SH3KBP1: variants seen among roughly 807,000 people sequenced by gnomAD.
SH3KBP1 encodes the protein SH3 domain-containing kinase-binding protein 1.
In SH3KBP1, 8 loss-of-function variants were observed where a neutral mutation model predicts 50.1. The ratio of observed to expected loss-of-function variants is 0.16; its 90% CI spans 0.09 to 0.29. The LOEUF (loss-of-function observed/expected upper bound fraction) is 0.29. Among genes scored for constraint, SH3KBP1 ranks in the 10% least tolerant of loss-of-function variants. The pLI is 1.00. For synonymous variants in SH3KBP1, 227 were observed against 218.6 expected (o/e 1.04, Z -0.34); for missense variants, 377 against 535.2 (o/e 0.70, Z 2.92).
At chrX:19,883,518 A>C (rs2069501634) in intron 1 of SH3KBP1, among the ~76,000 whole-genome samples, 1 of 111,378 alleles carries the variant, frequency 9.0e-6, no homozygotes, top group Non-Finnish European at 1.9e-5. Context: ...TTCCTCCCCC[A>C]CTGCCTCCGA....
At chrX:19,777,750 A>G (rs1433461651) in intron 2 of SH3KBP1, among the ~76,000 whole-genome samples, 2 of 111,422 alleles carry the variant, frequency 1.8e-5, no homozygotes, top group Admixed American at 9.5e-5. Context: ...GGGGTGGGCC[A>G]GAGCAGTAGT....
chrX:19,536,577 G>C (rs146800707), intron 17 of SH3KBP1, 119 bp from the exon 18 acceptor site: 1 of 442,019 alleles, frequency 2.3e-6, no homozygotes, highest in African/African-American at 2.5e-5. Context: ...AATTTTAAAG[G>C]TGACATGACA....
intron 2 of SH3KBP1, among the ~76,000 whole-genome samples, chrX:19,794,077 G>A (rs2066627955): frequency 9.1e-6 from 1 of 110,374 alleles, no homozygotes; most frequent in Admixed American, 9.7e-5. Flanking sequence ...CCCCAGGCAA[G>A]TAGAGGAAAT....
At chrX:19,716,748 T>C (rs2063920965) in intron 3 of SH3KBP1, among the ~76,000 whole-genome samples, 2 of 110,655 alleles carry the variant, frequency 1.8e-5, no homozygotes, top group Admixed American at 1.9e-4. Context: ...CTCTAGGAGG[T>C]TCAGCATGCT....
intron 2 of SH3KBP1, among the ~76,000 whole-genome samples, chrX:19,828,130 T>C (rs2067745463): frequency 9.0e-6 from 1 of 111,500 alleles, no homozygotes; most frequent in Non-Finnish European, 1.9e-5. Flanking sequence ...TGATAAGGTA[T>C]GCTGTTTTCT....
At chrX:19,807,168 T>C (rs73193557) in intron 2 of SH3KBP1, among the ~76,000 whole-genome samples, 1,398 of 112,227 alleles carry the variant, frequency 0.012, 16 homozygotes, top group Middle Eastern at 0.064. Flanking sequence ...CACATTCCTT[T>C]TCACCCTGTA....
chrX:19,814,920 G>T, intron 2 of SH3KBP1, among the ~76,000 whole-genome samples: 1 of 111,776 alleles, frequency 8.9e-6, no homozygotes, highest in Admixed American at 9.5e-5. Context: ...CCACAGACAG[G>T]CCAAGTGATA....
chrX:19,639,661 G>A (rs2148351578), intron 7 of SH3KBP1, among the ~76,000 whole-genome samples: 1 of 111,095 alleles, frequency 9.0e-6, no homozygotes, highest in Non-Finnish European at 1.9e-5. Context: ...TGCTTCTTAG[G>A]AAGAGGTGGG....
chrX:19,756,161 C>T (rs1238212952), intron 2 of SH3KBP1, among the ~76,000 whole-genome samples: 1 of 111,387 alleles, frequency 9.0e-6, no homozygotes, highest in African/African-American at 3.3e-5. Context: ...GTGCTCAGTA[C>T]ACAGAAGGAC....
intron 7 of SH3KBP1, among the ~76,000 whole-genome samples, chrX:19,640,730 A>G (rs775253108): frequency 1.8e-5 from 2 of 111,443 alleles, no homozygotes; most frequent in Admixed American, 9.5e-5. Context: ...CAAAAGGACC[A>G]TAGGCTACTC....
chrX:19,784,630 G>C (rs2066280265), intron 2 of SH3KBP1, among the ~76,000 whole-genome samples: 1 of 110,108 alleles, frequency 9.1e-6, no homozygotes, highest in Non-Finnish European at 1.9e-5. Context: ...TACTTTTTTA[G>C]ACAGAGTCTC....
intron 7 of SH3KBP1, among the ~76,000 whole-genome samples, chrX:19,639,431 G>T (rs2061798785): frequency 9.0e-6 from 1 of 111,658 alleles, no homozygotes; most frequent in Non-Finnish European, 1.9e-5. Context: ...CCTCTCGATG[G>T]TACTTTCAGA....
intron 6 of SH3KBP1, chrX:19,670,894 T>C: frequency 8.7e-7 from 1 of 1,145,177 alleles, no homozygotes; most frequent in Non-Finnish European, 1.2e-6. Context: ...GCCTCCTCTC[T>C]TCAGTTTGAA....
chrX:19,872,537 C>T (rs768510441), intron 1 of SH3KBP1, among the ~76,000 whole-genome samples: 1 of 109,245 alleles, frequency 9.2e-6, no homozygotes, highest in African/African-American at 3.3e-5. Context: ...TTTGGGAGGC[C>T]GAGGCGGGCG....
intron 1 of SH3KBP1, among the ~76,000 whole-genome samples, chrX:19,885,552 C>A (rs1020144115): frequency 9.0e-6 from 1 of 111,362 alleles, no homozygotes; most frequent in Non-Finnish European, 1.9e-5. Flanking sequence ...CAGTTCAAAT[C>A]TGAAAAATAG....
intron 15 of SH3KBP1, among the ~76,000 whole-genome samples, chrX:19,544,048 C>T (rs779293278): frequency 1.8e-5 from 2 of 110,866 alleles, no homozygotes; most frequent in African/African-American, 3.3e-5. Flanking sequence ...TACCCCAGCG[C>T]AGGAGCCAAA....
At chrX:19,712,284 T>C (rs957751154) in intron 3 of SH3KBP1, among the ~76,000 whole-genome samples, 1 of 112,014 alleles carries the variant, frequency 8.9e-6, no homozygotes, top group African/African-American at 3.2e-5. Flanking sequence ...AGGGATAATT[T>C]CAAAAGGACA....
intron 8 of SH3KBP1, among the ~76,000 whole-genome samples, chrX:19,630,553 A>T (rs2061552759): frequency 8.9e-6 from 1 of 112,207 alleles, no homozygotes; most frequent in South Asian, 3.7e-4. Flanking sequence ...CAACACCTAC[A>T]GAGACATACT....
chrX:19,789,844 C>T (rs183006542), intron 2 of SH3KBP1, among the ~76,000 whole-genome samples: 10 of 110,403 alleles, frequency 9.1e-5, no homozygotes, highest in African/African-American at 2.6e-4. Context: ...TGCCTGCCCC[C>T]TAAAAGCCCT....
Sources: gnomAD v4.1 joint callset for allele counts (sites outside exome capture counted in the v4.1 genomes callset) on GRCh38, gnomAD v4.1.1 for gene constraint, MANE v1.5 for transcripts, NCBI Gene and HGNC (gene_info 2026-07-23, HGNC 2026-07-21) for gene names.